CYB561D2: variants seen among roughly 807,000 people sequenced by gnomAD.
The protein encoded by CYB561D2 is transmembrane reductase CYB561D2.
In CYB561D2, 16 loss-of-function variants were observed where a neutral mutation model predicts 20.2. The observed-to-expected ratio is 0.79, with a 90% CI of 0.53 to 1.20. CYB561D2 has a LOEUF of 1.20. Ranked by LOEUF, CYB561D2 falls within the 50% of genes most tolerant of loss-of-function variation. The probability of loss-of-function intolerance (pLI) is 0.00; values close to 1 mark genes in which losing one functional copy is unlikely to be tolerated. For synonymous variants in CYB561D2, 135 were observed against 128.3 expected, an observed-to-expected ratio of 1.05 and a Z score of -0.35; for missense variants, 247 against 270.3, an observed-to-expected ratio of 0.91 and a Z score of 0.60.
chr3:50,353,565 CTGGTGGGCTACCTGCTGGG>C lies in CYB561D2; in HGVS notation c.492_510del (p.Gly166ProfsTer36). 3 of 1,613,804 alleles carry C rather than the reference CTGGTGGGCTACCTGCTGGG, an allele frequency of 1.9e-6. No homozygotes were observed. The highest frequency in any genetic ancestry group is 2.5e-6 in the Non-Finnish European group (3 of 1,180,044). On this transcript the variant is annotated frameshift_variant, in exon 4 of 4. Transcript: ENST00000425346. LOFTEE classifies it high-confidence loss of function. ...CAAGCTATACCATGCTACTTCTGGG[CTGGTGGGCTACCTGCTGGG>C]TAGTGCCAGCCTCTTGCTGGGCATG...
intron 3 of CYB561D2, 38 bp from the exon 4 acceptor site, chr3:50,353,203 G>C (rs1041235838): frequency 6.5e-7 from 1 of 1,527,606 alleles, no homozygotes; most frequent in Non-Finnish European, 8.8e-7. Flanking sequence ...TTCTGGGGCA[G>C]CACCCTCACT....
At position 50,350,986 on chromosome 3, in the gene CYB561D2, C is replaced by A; in HGVS notation, c.-26+2C>A. On this transcript the variant is annotated splice_donor_variant, in intron 1 of 3. Coordinates refer to ENST00000425346, the MANE Select transcript of CYB561D2 (RefSeq NM_001291284.2). LOFTEE classifies it low-confidence loss of function (5UTR_SPLICE). This position sits in a 1 kb window ranked among gnomAD's most constrained non-coding sequence, Gnocchi z 5.7. Reference sequence around the variant, plus strand: ...AGATCTGCGCTGCGGCAGAGGCAGGCAAGTCCCTAGCGTGGAGGGGCAGCA... The same window carrying A: ...AGATCTGCGCTGCGGCAGAGGCAGGAAAGTCCCTAGCGTGGAGGGGCAGCA... 1.8e-6 allele frequency: 2 copies of A among 1,135,942 alleles called. No individual in the cohort carries two copies. The highest frequency in any genetic ancestry group is 2.3e-6 in the Non-Finnish European group (2 of 874,334). The allele number at this position is 1,135,942 out of a possible 1,614,324, so 70.4% of individuals were successfully genotyped here.
At position 50,353,410 on chromosome 3, in the gene CYB561D2, G is replaced by C; in HGVS notation, c.335G>C (p.Gly112Ala). ...GTCATCCTCCACAAAGAGCAGCTTG[G>C]CAAAGCCCACCTGGTTACGCGGCAT... ...GLVILHKEQL[G>A]KAHLVTRHGQ... is the part of the protein sequence containing the mutation. The change falls in exon 4 of 4, where the codon GGC becomes GCC. Residue 112 changes from glycine to alanine, a missense_variant. By Grantham distance (60) the Gly-to-Ala change is moderately conservative. Transcript: ENST00000425346. 2 of 1,613,246 alleles carry C rather than the reference G, an allele frequency of 1.2e-6. No individual in the cohort carries two copies. Among genetic ancestry groups the C allele is most frequent in the African/African-American group, 2.7e-5 (2 of 75,048 alleles).
intron 1 of CYB561D2, 42 bp downstream of exon 1, chr3:50,351,026 G>A (rs1424516697): frequency 7.3e-6 from 5 of 688,522 alleles, no homozygotes; most frequent in Non-Finnish European, 1.0e-5. Flanking sequence ...GGCAGCACTT[G>A]GGGAGGCGGT....
chr3:50,350,882 A>C lies in CYB561D2; in HGVS notation c.-128A>C. On this transcript the variant is annotated 5_prime_UTR_variant, in exon 1 of 4. Coordinates refer to ENST00000425346, the MANE Select transcript of CYB561D2 (RefSeq NM_001291284.2). The surrounding 1 kb of genome is among the most constrained non-coding windows in gnomAD (Gnocchi z 5.7). The stretch of plus-strand genomic sequence containing the variant: ...TGGGTAGACGTCGCACCCGGAAGTA[A>C]AGCGGCTCCGTGACGGAGCGGCGGT... 1 of 1,399,374 alleles carries C rather than the reference A, an allele frequency of 7.1e-7. No individual in the cohort carries two copies. Among genetic ancestry groups the C allele is most frequent in the Non-Finnish European group, 9.2e-7 (1 of 1,082,512 alleles). The allele number at this position is 1,399,374 out of a possible 1,614,324, so 86.7% of individuals were successfully genotyped here.
In CYB561D2 at chr3:50,353,603, G is replaced by A; in HGVS notation, c.528G>A (p.Leu176=). The change falls in exon 4 of 4, where the codon CTG becomes CTA. Residue 176 remains leucine, a synonymous_variant. Coordinates refer to ENST00000425346, the MANE Select transcript of CYB561D2 (RefSeq NM_001291284.2). ...TGCTGGGTAGTGCCAGCCTCTTGCT[G>A]GGCATGTGCTCACTCTGGTTCACTG... ...GYLLGSASLL[L]GMCSLWFTAS... 1 of 1,613,758 alleles carries A rather than the reference G, an allele frequency of 6.2e-7. No homozygotes were observed. The highest frequency in any genetic ancestry group is 8.5e-7 in the Non-Finnish European group (1 of 1,180,022).
intron 1 of CYB561D2, 82 bp from the exon 2 acceptor site, chr3:50,351,327 C>T: frequency 7.0e-7 from 1 of 1,432,898 alleles, no homozygotes; most frequent in Non-Finnish European, 9.5e-7. Flanking sequence ...AAGAGGGTGG[C>T]ATTCCTGCCT....
In CYB561D2 at chr3:50,353,431, G is replaced by A. The variant is rs748339296; in HGVS notation, c.356G>A (p.Arg119Gln). 14 of 1,612,844 alleles carry A rather than the reference G, an allele frequency of 8.7e-6. No homozygotes were observed. The highest frequency in any genetic ancestry group is 2.7e-5 in the African/African-American group (2 of 74,930). The change falls in exon 4 of 4, where the codon CGG becomes CAG. Residue 119 changes from arginine (R) to glutamine (Q), a missense_variant. Coordinates refer to ENST00000425346, the MANE Select transcript of CYB561D2 (RefSeq NM_001291284.2). ...EQLGKAHLVTRHGQAGLLAVL... is the reference protein window; with the variant it reads ...EQLGKAHLVTQHGQAGLLAVL... The stretch of plus-strand genomic sequence containing the variant: ...CTTGGCAAAGCCCACCTGGTTACGC[G>A]GCATGGGCAGGCAGGGCTGCTGGCT...
intron 3 of CYB561D2, among the ~76,000 whole-genome samples, chr3:50,353,001 C>T (rs917421689): frequency 2.6e-5 from 4 of 152,144 alleles, no homozygotes; most frequent in Non-Finnish European, 4.4e-5. Context: ...TGGTAACATA[C>T]GACAGATGAC....
chr3:50,353,367 C>T lies in CYB561D2; in HGVS notation c.292C>T (p.Leu98=), dbSNP rs762927943. 2.3e-5 allele frequency: 37 copies of T among 1,613,434 alleles called. 1 individual carries two copies. The Admixed American group carries it at 6.2e-4, about 27-fold the overall frequency. Residue 98 remains leucine, a synonymous_variant, in exon 4 of 4, where the codon CTG becomes TTG. Coordinates refer to ENST00000425346, the MANE Select transcript of CYB561D2 (RefSeq NM_001291284.2). Reference sequence around the variant, plus strand: ...GCAGCTGCTGGCCCTGCTGTGTGCACTGCTGGGCCTCGGCCTTGTCATCCT... The same window carrying T: ...GCAGCTGCTGGCCCTGCTGTGTGCATTGCTGGGCCTCGGCCTTGTCATCCT... ...VLQLLALLCA[L]LGLGLVILHK...
Position 50,353,856 on chromosome 3 carries a change from G to T in CYB561D2, c.*112G>T. ...AGGGGACACCTCAGGCACTGGGACA[G>T]TTGGGCATTTGGAGGCCCGTGTGTG... is the stretch of plus-strand genomic sequence containing the variant. On this transcript the variant is annotated 3_prime_UTR_variant, in exon 4 of 4. Transcript: ENST00000425346. The T allele has an allele frequency of 7.5e-7, 1 of 1,333,286 alleles. No individual in the cohort carries two copies. The highest frequency in any genetic ancestry group is 2.3e-5 in the East Asian group (1 of 42,634). The allele number at this position is 1,333,286 out of a possible 1,614,324, so 82.6% of individuals were successfully genotyped here.
rs1458643297 is a variant in CYB561D2, at chr3:50,350,864, A to G, written c.-146A>G. 4 of 1,404,556 alleles carry G rather than the reference A, an allele frequency of 2.8e-6. No homozygotes were observed. The highest frequency in any genetic ancestry group is 1.6e-5 in the South Asian group (1 of 63,124). The allele number at this position is 1,404,556 out of a possible 1,614,324, so 87.0% of individuals were successfully genotyped here. ...GTCCCAGGAAGTCCTGGGTGGGTAG[A>G]CGTCGCACCCGGAAGTAAAGCGGCT... is the stretch of plus-strand genomic sequence containing the variant. On this transcript the variant is annotated 5_prime_UTR_variant, in exon 1 of 4. Coordinates refer to ENST00000425346, the MANE Select transcript of CYB561D2 (RefSeq NM_001291284.2). The surrounding 1 kb of genome is among the most constrained non-coding windows in gnomAD (Gnocchi z 5.7).
rs145727263 is a variant in CYB561D2 at position 50,352,028 on chromosome 3, G to A, written c.147G>A (p.Pro49=). ...RPGSSLFSWH[P]VLMSLAFSFL... The stretch of plus-strand genomic sequence containing the variant: ...TTCCAGGCCTGTTCTCCTGGCACCC[G>A]GTGCTTATGTCTTTGGCTGTAAGTA... The change falls in exon 3 of 4, where the codon CCG becomes CCA. Residue 49 remains proline, a synonymous_variant. Coordinates refer to ENST00000425346, the MANE Select transcript of CYB561D2 (RefSeq NM_001291284.2). The A allele has an allele frequency of 9.9e-5, 160 of 1,613,884 alleles. No individual in the cohort carries two copies. Among genetic ancestry groups the A allele is most frequent in the African/African-American group, 6.3e-4 (47 of 75,000 alleles).
At position 50,354,017 on chromosome 3, in the gene CYB561D2, T is replaced by C. The variant is rs1436553458; in HGVS notation, c.*273T>C. The C allele has an allele frequency of 2.6e-5, 10 of 390,614 alleles. No homozygotes were observed. Among genetic ancestry groups the C allele is most frequent in the Non-Finnish European group, 4.1e-5 (9 of 216,978 alleles). 24.2% of individuals were successfully genotyped at this position (390,614 alleles called of 1,614,324 possible). On this transcript the variant is annotated 3_prime_UTR_variant, in exon 4 of 4. Transcript: ENST00000425346. Reference sequence around the variant, plus strand: ...TCTCCTGCAAGGCAGCTCATACTTGTACTGTATGTTCAGAAATTTTAGGAG... The same window carrying C: ...TCTCCTGCAAGGCAGCTCATACTTGCACTGTATGTTCAGAAATTTTAGGAG...
intron 3 of CYB561D2, among the ~76,000 whole-genome samples, chr3:50,352,622 A>C (rs1703796459): frequency 7.1e-6 from 1 of 140,936 alleles, no homozygotes; most frequent in Non-Finnish European, 1.5e-5. Context: ...GAAGGCGGAG[A>C]TTGCAGTGAG....
rs962818115 is a variant in CYB561D2, at chr3:50,353,961, G to T, written c.*217G>T. ...TCCCAGAGGAACATAGGCATCATGT[G>T]TCTGGATGAAGCTGGGGCTGCAAGA... On this transcript the variant is annotated 3_prime_UTR_variant, in exon 4 of 4. Transcript: ENST00000425346. 1 of 563,984 alleles carries T rather than the reference G, an allele frequency of 1.8e-6. No individual in the cohort carries two copies. Among genetic ancestry groups the T allele is most frequent in the Admixed American group, 3.2e-5 (1 of 30,874 alleles). The allele number at this position is 563,984 out of a possible 1,614,324, so 34.9% of individuals were successfully genotyped here.
chr3:50,353,875 G>A lies in CYB561D2; in HGVS notation c.*131G>A, dbSNP rs1392105231. On this transcript the variant is annotated 3_prime_UTR_variant, in exon 4 of 4. Coordinates refer to ENST00000425346, the MANE Select transcript of CYB561D2 (RefSeq NM_001291284.2). The stretch of plus-strand genomic sequence containing the variant: ...GGGACAGTTGGGCATTTGGAGGCCC[G>A]TGTGTGAATTCCTGCTCCTCATGCT... 10 of 1,064,874 alleles carry A rather than the reference G, an allele frequency of 9.4e-6. No individual in the cohort carries two copies. The highest frequency in any genetic ancestry group is 2.5e-5 in the East Asian group (1 of 40,736). 66.0% of individuals were successfully genotyped at this position (1,064,874 alleles called of 1,614,324 possible).
intron 3 of CYB561D2, among the ~76,000 whole-genome samples, chr3:50,352,308 G>A (rs587678288): frequency 3.3e-5 from 5 of 151,840 alleles, no homozygotes; most frequent in Non-Finnish European, 5.9e-5. Flanking sequence ...GTGAAACCCC[G>A]TCTCTACTAA....
rs1703820683 is a variant in CYB561D2, at chr3:50,353,529, C to G, written c.454C>G (p.Leu152Val). The change falls in exon 4 of 4, where the codon CTG becomes GTG. Residue 152 changes from leucine to valine, a missense_variant. Physicochemically the swap from Leu to Val is conservative, Grantham distance 32. Transcript: ENST00000425346. ...LYPKLLPRWPLAKLKLYHATS... is the reference protein window; with the variant it reads ...LYPKLLPRWPVAKLKLYHATS... ...CCCCAAGCTGCTGCCCCGATGGCCCCTGGCGAAGCTCAAGCTATACCATGC... is the reference window on the plus strand; with the variant it reads ...CCCCAAGCTGCTGCCCCGATGGCCCGTGGCGAAGCTCAAGCTATACCATGC... 3 of 1,613,566 alleles carry G rather than the reference C, an allele frequency of 1.9e-6. No homozygotes were observed. The South Asian group carries it at 3.3e-5, about 18-fold the overall frequency.
Sources: gnomAD v4.1 joint callset for allele counts (sites outside exome capture counted in the v4.1 genomes callset) on GRCh38, gnomAD v4.1.1 for gene constraint, Gnocchi (gnomAD v3.1) non-coding constraint, MANE v1.5 for transcripts, NCBI Gene and HGNC (gene_info 2026-07-23, HGNC 2026-07-21) for gene names.